The following CCSER1 variants were observed in gnomAD, a reference collection of about 807,000 sequenced individuals.
The protein encoded by CCSER1 is coiled-coil serine rich protein 1, also known as serine-rich coiled-coil domain-containing protein 1.
Under a neutral mutation model 82.0 loss-of-function variants are expected in CCSER1, and 41 were observed. That is an observed-to-expected ratio of 0.50 (90% CI 0.39 to 0.65). CCSER1 has a LOEUF of 0.65. CCSER1 is among the 30% of genes least tolerant of loss of function. The pLI, the probability that CCSER1 is intolerant of heterozygous loss-of-function variation, is 0.00. For missense variants in CCSER1, 1,119 were observed against 1,064.2 expected (o/e 1.05, Z -0.72); for synonymous variants, 414 against 383.9 (o/e 1.08, Z -0.92).
At chr4:90,777,239 C>T (rs563386253) in intron 7 of CCSER1, among the ~76,000 whole-genome samples, 1 of 151,350 alleles carries the variant, frequency 6.6e-6, no homozygotes, top group South Asian at 2.1e-4. Flanking sequence ...CGCCTGTAAT[C>T]CCAGCTACTT....
At chr4:91,316,942 G>A (rs1745877203) in intron 10 of CCSER1, among the ~76,000 whole-genome samples, 1 of 151,918 alleles carries the variant, frequency 6.6e-6, no homozygotes, top group African/African-American at 2.4e-5. Context: ...ACATGTTTCA[G>A]TTGGGCAAGA....
intron 1 of CCSER1, among the ~76,000 whole-genome samples, chr4:90,189,983 T>A (rs1372848389): frequency 1.3e-5 from 2 of 152,052 alleles, no homozygotes; most frequent in African/African-American, 4.8e-5. Flanking sequence ...ATAGAATTAA[T>A]ATCTACTTGC....
intron 4 of CCSER1, among the ~76,000 whole-genome samples, chr4:90,457,811 C>A (rs1200053755): frequency 6.6e-6 from 1 of 152,150 alleles, no homozygotes; most frequent in East Asian, 1.9e-4. Context: ...AAAGGTGAGT[C>A]TTCACCAGGG....
chr4:90,251,269 T>C (rs1722328296), intron 1 of CCSER1, among the ~76,000 whole-genome samples: 1 of 152,068 alleles, frequency 6.6e-6, no homozygotes, highest in South Asian at 2.1e-4. Context: ...GGTATAATAA[T>C]GAATAAATAT....
At chr4:91,043,285 A>G (rs925534149) in intron 9 of CCSER1, among the ~76,000 whole-genome samples, 2 of 152,140 alleles carry the variant, frequency 1.3e-5, no homozygotes. Flanking sequence ...AAAATCAATA[A>G]TAAAACTCCC....
chr4:91,188,377 A>C (rs1378139362), intron 10 of CCSER1, among the ~76,000 whole-genome samples: 1 of 152,154 alleles, frequency 6.6e-6, no homozygotes, highest in Non-Finnish European at 1.5e-5. Flanking sequence ...TTGTATCCTA[A>C]ATTTATTTTA....
chr4:90,617,650 T>C (rs1227820682), intron 5 of CCSER1, among the ~76,000 whole-genome samples: 1 of 152,148 alleles, frequency 6.6e-6, no homozygotes, highest in African/African-American at 2.4e-5. Context: ...AACCTTATGA[T>C]TTATAGCCAT....
intron 10 of CCSER1, among the ~76,000 whole-genome samples, chr4:91,120,143 A>G (rs1726959458): frequency 6.6e-6 from 1 of 152,028 alleles, no homozygotes; most frequent in Non-Finnish European, 1.5e-5. Flanking sequence ...TGATTTGTAT[A>G]TCTCATTTAA....
intron 3 of CCSER1, among the ~76,000 whole-genome samples, chr4:90,319,399 C>A (rs1451574113): frequency 1.3e-5 from 2 of 152,098 alleles, no homozygotes; most frequent in Non-Finnish European, 2.9e-5. Context: ...AATCTGTAAT[C>A]CCTGCAATTT....
chr4:90,932,982 G>GAAAGAGAGAGAAAGAAAGAA (rs771267852), intron 9 of CCSER1, among the ~76,000 whole-genome samples: 1 of 18,856 alleles, frequency 5.3e-5, no homozygotes, highest in East Asian at 9.2e-4. Flanking sequence ...AAGAAAGAAA[G>GAAAGAGAGAGAAAGAAAGAA]AGAAAGAAAG....
intron 5 of CCSER1, among the ~76,000 whole-genome samples, chr4:90,613,871 A>C (rs1269786897): frequency 6.6e-6 from 1 of 152,214 alleles, no homozygotes; most frequent in Non-Finnish European, 1.5e-5. Context: ...GGCTCTAAGA[A>C]CATGAATAGT....
At chr4:90,178,207 A>G (rs1021510560) in intron 1 of CCSER1, among the ~76,000 whole-genome samples, 2 of 152,152 alleles carry the variant, frequency 1.3e-5, no homozygotes, top group East Asian at 1.9e-4. Flanking sequence ...ATATAATCAA[A>G]TGAATTTAGA....
intron 8 of CCSER1, among the ~76,000 whole-genome samples, chr4:90,870,938 A>C (rs1395424110): frequency 6.7e-6 from 1 of 150,122 alleles, no homozygotes; most frequent in East Asian, 2.0e-4. Flanking sequence ...TATCCTCAAA[A>C]TATATTTATT....
At chr4:90,824,892 G>A (rs1007193528) in intron 8 of CCSER1, among the ~76,000 whole-genome samples, 12 of 151,982 alleles carry the variant, frequency 7.9e-5, no homozygotes, top group Non-Finnish European at 1.8e-4. Context: ...TTTTTCAGGA[G>A]AATTAATTGC....
chr4:90,361,625 T>C (rs1274867097), intron 3 of CCSER1, among the ~76,000 whole-genome samples: 4 of 152,204 alleles, frequency 2.6e-5, no homozygotes, highest in South Asian at 2.1e-4. Flanking sequence ...CAGTACCCAA[T>C]AGGTAGTTTT....
intron 5 of CCSER1, among the ~76,000 whole-genome samples, chr4:90,612,492 A>G (rs1785656987): frequency 6.6e-6 from 1 of 151,876 alleles, no homozygotes. Flanking sequence ...TATAAGATAA[A>G]CTTATTAGAT....
chr4:90,655,399 ATAGT>A (rs1405566688), intron 6 of CCSER1, among the ~76,000 whole-genome samples: 1 of 151,826 alleles, frequency 6.6e-6, no homozygotes, highest in Non-Finnish European at 1.5e-5. Context: ...ATGGCTTTTG[ATAGT>A]TATTTATTGC....
intron 9 of CCSER1, among the ~76,000 whole-genome samples, chr4:90,932,982 G>GAGAGAGAGAGAAAGAA (rs1730228082): frequency 5.3e-5 from 1 of 18,858 alleles, no homozygotes; most frequent in East Asian, 9.2e-4. Context: ...AAGAAAGAAA[G>GAGAGAGAGAGAAAGAA]AGAAAGAAAG....
At position 90,642,283 on chromosome 4, in the gene CCSER1, T is replaced by G. The variant is rs1726680309; in HGVS notation, c.1932+14051T>G. The G allele has an allele frequency of 1.9e-5, 3 of 155,922 alleles. No homozygotes were observed. The South Asian group carries it at 5.8e-4, about 30-fold the overall frequency. 9.7% of individuals were successfully genotyped at this position (155,922 alleles called of 1,614,324 possible). A position where few individuals can be genotyped will look rare whatever the true frequency, so the allele number is the denominator to read the frequency against. On this transcript the variant is annotated intron_variant, in intron 6 of 10. Coordinates refer to ENST00000509176, the MANE Select transcript of CCSER1 (RefSeq NM_001145065.2). ...AAAATAGCTGTTTTTAATGAGTGATTCTATCAAATATGATGTTACAACTTT... is the reference window on the plus strand; with the variant it reads ...AAAATAGCTGTTTTTAATGAGTGATGCTATCAAATATGATGTTACAACTTT...
Sources: gnomAD v4.1 joint callset for allele counts (sites outside exome capture counted in the v4.1 genomes callset) on GRCh38, gnomAD v4.1.1 for gene constraint, MANE v1.5 for transcripts, NCBI Gene and HGNC (gene_info 2026-07-23, HGNC 2026-07-21) for gene names.